The following KIAA0825 variants were observed in gnomAD, a reference collection of about 807,000 sequenced individuals.
KIAA0825 encodes the protein uncharacterized protein KIAA0825.
In KIAA0825, 119 loss-of-function variants were observed where a neutral mutation model predicts 147.6. The ratio of observed to expected loss-of-function variants is 0.81; its 90% CI spans 0.69 to 0.94. The LOEUF is 0.94. Among genes scored for constraint, KIAA0825 ranks in the 40% least tolerant of loss-of-function variants. The pLI, the probability that KIAA0825 is intolerant of heterozygous loss-of-function variation, is 0.00. For missense variants in KIAA0825, 1,381 were observed against 1,472.7 expected, an observed-to-expected ratio of 0.94 and a Z score of 1.02; for synonymous variants, 470 against 518.1, an observed-to-expected ratio of 0.91 and a Z score of 1.26.
In KIAA0825 at chr5:94,151,555, A is replaced by G. The variant is rs1265903684; in HGVS notation, c.*2452T>C. ...ACTTATGGCTATAATAATTTCACTG[A>G]ACAAGCACAGAATAGAATTCAACTG... is the stretch of plus-strand genomic sequence containing the variant. On this transcript the variant is annotated 3_prime_UTR_variant, in exon 21 of 21. Transcript: ENST00000682413. Among the ~76,000 whole-genome samples the G allele has an allele frequency of 6.6e-6, 1 of 152,100 alleles. No homozygotes were observed. The highest frequency in any genetic ancestry group is 2.4e-5 in the African/African-American group (1 of 41,410).
In KIAA0825 at chr5:94,477,214, TAGAAA is replaced by T; in HGVS notation, c.1133-14_1133-10del. ...GGATTTCTCCAAAATTCCTAAGCAA[TAGAAA>T]AGAAAACAAACACACTAATATATAT... On this transcript the variant is annotated splice_polypyrimidine_tract_variant and intron_variant, in intron 6 of 20. Transcript: ENST00000682413. 6.6e-7 allele frequency: 1 copy of T among 1,521,158 alleles called. No individual in the cohort carries two copies. Among genetic ancestry groups the T allele is most frequent in the Non-Finnish European group, 8.9e-7 (1 of 1,121,274 alleles). 94.2% of individuals were successfully genotyped at this position (1,521,158 alleles called of 1,614,324 possible). A position where few individuals can be genotyped will look rare whatever the true frequency, so the allele number is the denominator to read the frequency against.
chr5:94,288,374 A>G (rs891406489), intron 20 of KIAA0825, among the ~76,000 whole-genome samples: 2 of 152,168 alleles, frequency 1.3e-5, no homozygotes, highest in Admixed American at 1.3e-4. Flanking sequence ...AGGAAAAAAA[A>G]TTATAAAAAT....
intron 14 of KIAA0825, among the ~76,000 whole-genome samples, chr5:94,433,316 C>T (rs370549846): frequency 8.5e-5 from 13 of 152,158 alleles, no homozygotes; most frequent in Admixed American, 6.5e-5. Context: ...CGTGAGCCAC[C>T]GTGCCCGGCG....
At chr5:94,187,941 C>T (rs1770295132) in intron 20 of KIAA0825, among the ~76,000 whole-genome samples, 1 of 152,144 alleles carries the variant, frequency 6.6e-6, no homozygotes, top group South Asian at 2.1e-4. Flanking sequence ...TCCTGACAGC[C>T]AGTATGATGG....
intron 5 of KIAA0825, among the ~76,000 whole-genome samples, chr5:94,517,837 C>G (rs1584754517): frequency 6.6e-6 from 1 of 151,746 alleles, no homozygotes; most frequent in Non-Finnish European, 1.5e-5. Context: ...TTAAAAATAT[C>G]CTATTTTTCA....
chr5:94,178,964 C>T (rs1769355410), intron 20 of KIAA0825, among the ~76,000 whole-genome samples: 1 of 152,030 alleles, frequency 6.6e-6, no homozygotes, highest in Non-Finnish European at 1.5e-5. Context: ...AGGGAACAAA[C>T]TATTGATTTA....
intron 2 of KIAA0825, among the ~76,000 whole-genome samples, chr5:94,546,035 T>C (rs1774289835): frequency 6.6e-6 from 1 of 152,096 alleles, no homozygotes; most frequent in African/African-American, 2.4e-5. Context: ...GCTGACTGAC[T>C]GAAGAGCCCT....
intron 3 of KIAA0825, among the ~76,000 whole-genome samples, chr5:94,532,238 C>T (rs1168222783): frequency 6.6e-6 from 1 of 152,100 alleles, no homozygotes; most frequent in Non-Finnish European, 1.5e-5. Context: ...GTCTCCACCT[C>T]CCAGGCTCAA....
At chr5:94,294,971 T>C (rs1329524965) in intron 20 of KIAA0825, among the ~76,000 whole-genome samples, 1 of 152,166 alleles carries the variant, frequency 6.6e-6, no homozygotes, top group African/African-American at 2.4e-5. Flanking sequence ...TGGCCTCTCT[T>C]GCTAGGTTGG....
At chr5:94,257,217 G>C (rs1776291113) in intron 20 of KIAA0825, among the ~76,000 whole-genome samples, 1 of 152,118 alleles carries the variant, frequency 6.6e-6, no homozygotes, top group Non-Finnish European at 1.5e-5. Flanking sequence ...CTAGGAAGTA[G>C]TTTGCTAGAC....
At chr5:94,554,749 TATATATATATATG>T (rs1776232337) in intron 2 of KIAA0825, among the ~76,000 whole-genome samples, 1 of 132,574 alleles carries the variant, frequency 7.5e-6, no homozygotes, top group African/African-American at 3.0e-5. Context: ...TATATATATA[TATATATATATATG>T]AATTCATTTA....
intron 20 of KIAA0825, among the ~76,000 whole-genome samples, chr5:94,160,775 CA>C (rs1258373152): frequency 2.0e-5 from 3 of 151,756 alleles, no homozygotes; most frequent in Non-Finnish European, 4.4e-5. Flanking sequence ...ACACAGAGTC[CA>C]AACAGTGAAG....
intron 15 of KIAA0825, among the ~76,000 whole-genome samples, chr5:94,405,924 A>ATTTTTGTTTTTTTTTTTTT (rs1751996156): frequency 6.6e-6 from 1 of 151,344 alleles, no homozygotes; most frequent in African/African-American, 2.4e-5. Flanking sequence ...TTATTTATTT[A>ATTTTTGTTTTTTTTTTTTT]TTTTTATTTT....
chr5:94,533,695 G>A (rs967198426), intron 3 of KIAA0825, among the ~76,000 whole-genome samples: 1 of 152,148 alleles, frequency 6.6e-6, no homozygotes, highest in African/African-American at 2.4e-5. Flanking sequence ...CTAATGATAC[G>A]GAGGTACAAC....
At chr5:94,464,660 C>T (rs905427746) in intron 11 of KIAA0825, among the ~76,000 whole-genome samples, 8 of 151,978 alleles carry the variant, frequency 5.3e-5, no homozygotes, top group East Asian at 1.9e-4. Context: ...GTTCTATAGA[C>T]GATTTTAAGG....
chr5:94,580,922 T>G (rs1005934365), intron 2 of KIAA0825, among the ~76,000 whole-genome samples: 1 of 100,404 alleles, frequency 1.0e-5, no homozygotes, highest in Admixed American at 1.1e-4. Flanking sequence ...AAAAAAAAAA[T>G]GCATAACACA....
chr5:94,445,272 T>G (rs1757584892), intron 13 of KIAA0825, among the ~76,000 whole-genome samples: 1 of 152,188 alleles, frequency 6.6e-6, no homozygotes, highest in African/African-American at 2.4e-5. Flanking sequence ...TCAACATGTT[T>G]AGATAATTGA....
At chr5:94,559,802 G>A (rs1019478565) in intron 2 of KIAA0825, among the ~76,000 whole-genome samples, 4 of 152,056 alleles carry the variant, frequency 2.6e-5, no homozygotes, top group South Asian at 2.1e-4. Flanking sequence ...TCACTGATTC[G>A]AAGGTTCTTT....
intron 20 of KIAA0825, among the ~76,000 whole-genome samples, chr5:94,158,017 G>T (rs1410844091): frequency 1.3e-5 from 2 of 152,128 alleles, no homozygotes; most frequent in Non-Finnish European, 2.9e-5. Context: ...TTTACTAGGA[G>T]AAAAACATTT....
Sources: gnomAD v4.1 joint callset for allele counts (sites outside exome capture counted in the v4.1 genomes callset) on GRCh38, gnomAD v4.1.1 for gene constraint, MANE v1.5 for transcripts, NCBI Gene and HGNC (gene_info 2026-07-23, HGNC 2026-07-21) for gene names.